CIRBP: variants seen among roughly 807,000 people sequenced by gnomAD.
The protein encoded by CIRBP is cold-inducible RNA-binding protein.
In CIRBP, 11 loss-of-function variants were observed where a neutral mutation model predicts 22.3. That is an observed-to-expected ratio of 0.49 (90% CI 0.31 to 0.82). The LOEUF is 0.82. Ranked by LOEUF, CIRBP falls within the 40% of genes least tolerant of loss-of-function variation. CIRBP has a pLI of 0.05. For synonymous variants in CIRBP, 216 were observed against 158.8 expected (o/e 1.36, Z -2.71); for missense variants, 456 against 402.7 (o/e 1.13, Z -1.13).
rs559749821 is a variant in CIRBP at position 1,274,781 on chromosome 19, C to G, written c.*2338C>G. 6.5e-6 allele frequency: 1 copy of G among 154,420 alleles called. No individual in the cohort carries two copies. The highest frequency in any genetic ancestry group is 2.4e-5 in the African/African-American group (1 of 41,554). The allele number at this position is 154,420 out of a possible 1,614,324, so 9.6% of individuals were successfully genotyped here. A position where few individuals can be genotyped will look rare whatever the true frequency, so the allele number is the denominator to read the frequency against. On this transcript the variant is annotated 3_prime_UTR_variant, in exon 6 of 6. Transcript: ENST00000587896. ...TGTGGAGCCCTGTGAAAGTCGGATT[C>G]GAATAAAGGGCCACGTGTGCACCCA...
chr19:1,270,159 C>T (rs2081313881), intron 1 of CIRBP: 1 of 510,132 alleles, frequency 2.0e-6, no homozygotes, highest in Non-Finnish European at 3.9e-6. Context: ...GATTCCCGGC[C>T]TAGGTCCTGG....
intron 1 of CIRBP, chr19:1,270,058 A>C (rs1370272466): frequency 1.9e-6 from 1 of 519,740 alleles, no homozygotes; most frequent in East Asian, 5.4e-5. Flanking sequence ...CTGTGTCAGC[A>C]CTGACCGCCC....
chr19:1,272,101 TC>T lies in CIRBP; in HGVS notation c.553del (p.Arg185GlyfsTer11), dbSNP rs1473995937. The T allele has an allele frequency of 6.2e-7, 1 of 1,613,742 alleles. No individual in the cohort carries two copies. ...CGCTGCTGTGGCCTGCGGTGGGAGC[TC>T]GGTTCACCTTGGTGCCCTCTCCAAG... is the stretch of plus-strand genomic sequence containing the variant. ...ATLLWPAVGA[R>X]FTLVPSPSTL... On this transcript the variant is annotated frameshift_variant, in exon 6 of 6. Transcript: ENST00000587896. LOFTEE classifies it low-confidence loss of function (END_TRUNC).
At position 1,272,838 on chromosome 19, in the gene CIRBP, G is replaced by A. The variant is rs13369; in HGVS notation, c.*395G>A. The A allele has an allele frequency of 2.7e-4, 44 of 164,310 alleles. No individual in the cohort carries two copies. The highest frequency in any genetic ancestry group is 5.3e-4 in the Non-Finnish European group (40 of 75,920). 10.2% of individuals were successfully genotyped at this position (164,310 alleles called of 1,614,324 possible). On this transcript the variant is annotated 3_prime_UTR_variant, in exon 6 of 6. Coordinates refer to ENST00000587896, the MANE Select transcript of CIRBP (RefSeq NM_001300829.2). The stretch of plus-strand genomic sequence containing the variant: ...GTGCCCCACTCACTTCTCTGAGATC[G>A]AACGGACTGTGAATCCGCTCTTTGT...
downstream of CIRBP, chr19:1,274,854 A>C (rs1006774153): frequency 6.6e-6 from 1 of 152,594 alleles, no homozygotes; most frequent in Non-Finnish European, 1.5e-5. Flanking sequence ...GAGCGGGGCC[A>C]CTGGAAGAAA....
In CIRBP at chr19:1,274,252, G is replaced by A. The variant is rs1180629246; in HGVS notation, c.*1809G>A. ...GGCTGTTTCCGGGGAGGCCGGGAGG[G>A]GCAGCTGTGAGCCCTGTGGAGGACG... On this transcript the variant is annotated 3_prime_UTR_variant, in exon 6 of 6. Coordinates refer to ENST00000587896, the MANE Select transcript of CIRBP (RefSeq NM_001300829.2). 2 of 400,894 alleles carry A rather than the reference G, an allele frequency of 5.0e-6. No homozygotes were observed. The highest frequency in any genetic ancestry group is 8.8e-6 in the Non-Finnish European group (2 of 226,240). The allele number at this position is 400,894 out of a possible 1,614,324, so 24.8% of individuals were successfully genotyped here. A position where few individuals can be genotyped will look rare whatever the true frequency, so the allele number is the denominator to read the frequency against.
In CIRBP at chr19:1,271,236, T is replaced by C. The variant is rs1006299689; in HGVS notation, c.200T>C (p.Met67Thr). The C allele has an allele frequency of 1.2e-6, 2 of 1,613,858 alleles. No homozygotes were observed. Among genetic ancestry groups the C allele is most frequent in the Non-Finnish European group, 8.5e-7 (1 of 1,179,990 alleles). Residue 67 changes from methionine (M) to threonine (T), a missense_variant, in exon 3 of 6, where the codon ATG becomes ACG. Met to Thr is a moderately conservative substitution (Grantham distance 81, BLOSUM62 -1). Transcript: ENST00000587896. ...GACGCTAAGGATGCCATGATGGCCA[T>C]GAATGGGAAGGTGAGGATCAGGGTG... ...IDDAKDAMMA[M>T]NGKSVDGRQI...
At chr19:1,269,442 G>A (rs1168263947) in intron 1 of CIRBP, 32 bp downstream of exon 1, 1 of 151,882 alleles carries the variant, frequency 6.6e-6, no homozygotes, top group Admixed American at 6.6e-5. Context: ...GCTCCGAGGA[G>A]CTCGGGGCGG....
At position 1,271,452 on chromosome 19, in the gene CIRBP, C is replaced by T. The variant is rs775927343; in HGVS notation, c.334C>T (p.Arg112Cys). The T allele has an allele frequency of 1.1e-5, 18 of 1,609,888 alleles. No individual in the cohort carries two copies. The highest frequency in any genetic ancestry group is 1.7e-5 in the Admixed American group (1 of 59,712). ...CTTCCGTGGGGGCCGAGGACGGGGCCGTGGGTTCTCTAGAGGTGAGTGCCA... is the reference window on the plus strand; with the variant it reads ...CTTCCGTGGGGGCCGAGGACGGGGCTGTGGGTTCTCTAGAGGTGAGTGCCA... Reference protein sequence around the residue: ...GFFRGGRGRGRGFSRGGGDRG... With the variant: ...GFFRGGRGRGCGFSRGGGDRG... The change falls in exon 4 of 6, where the codon CGT becomes TGT. Residue 112 changes from arginine (R) to cysteine (C), a missense_variant. This residue lies in a region of CIRBP where 426 missense variants were observed against 339.6 expected (regional missense o/e 1.25). Transcript: ENST00000587896.
At position 1,272,374 on chromosome 19, in the gene CIRBP, G is replaced by A. The variant is rs1172002695; in HGVS notation, c.825G>A (p.Lys275=). ...RPRPGLASGV[K]LPLVASVPLH... ...GCCCTGGTCTGGCCTCTGGGGTGAA[G>A]CTGCCTCTTGTTGCTTCGGTGCCTT... Residue 275 remains lysine, a synonymous_variant, in exon 6 of 6, where the codon AAG becomes AAA. Transcript: ENST00000587896. 1.9e-6 allele frequency: 3 copies of A among 1,604,520 alleles called. No homozygotes were observed. Among genetic ancestry groups the A allele is most frequent in the East Asian group, 4.5e-5 (2 of 44,790 alleles).
Position 1,274,070 on chromosome 19 carries a change from T to C in CIRBP, c.*1627T>C. The C allele has an allele frequency of 2.7e-6, 1 of 375,536 alleles. No homozygotes were observed. Among genetic ancestry groups the C allele is most frequent in the East Asian group, 3.8e-5 (1 of 26,492 alleles). 23.3% of individuals were successfully genotyped at this position (375,536 alleles called of 1,614,324 possible). A position where few individuals can be genotyped will look rare whatever the true frequency, so the allele number is the denominator to read the frequency against. ...CTCTGATGTCTGTTGCCGCCATTAG[T>C]TTTTTTCTAGAGCCCACACTGGCCC... On this transcript the variant is annotated 3_prime_UTR_variant, in exon 6 of 6. Coordinates refer to ENST00000587896, the MANE Select transcript of CIRBP (RefSeq NM_001300829.2).
At position 1,269,401 on chromosome 19, in the gene CIRBP, C is replaced by G. The variant is rs995517953; in HGVS notation, c.-16C>G. ...TTCCCGCTTGCGTCAGGGACCTGCC[C>G]GACTCAGTGGTGAGGGCCCTGGCTG... On this transcript the variant is annotated 5_prime_UTR_variant, in exon 1 of 6. Transcript: ENST00000587896. 3 of 151,946 alleles carry G rather than the reference C, an allele frequency of 2.0e-5. No individual in the cohort carries two copies. Among genetic ancestry groups the G allele is most frequent in the Non-Finnish European group, 4.4e-5 (3 of 67,970 alleles). 9.4% of individuals were successfully genotyped at this position (151,946 alleles called of 1,614,324 possible).
chr19:1,271,897 C>T, intron 5 of CIRBP, 84 bp from the exon 6 acceptor site: 5 of 1,235,800 alleles, frequency 4.0e-6, no homozygotes, highest in Non-Finnish European at 4.6e-6. Flanking sequence ...GGACGGCTGG[C>T]ATGGGGGCTG....
intron 1 of CIRBP, 150 bp from the exon 2 acceptor site, chr19:1,270,778 G>A (rs2081326013): frequency 4.4e-6 from 3 of 678,592 alleles, no homozygotes; most frequent in Admixed American, 2.4e-5. Context: ...AAAAAAATAA[G>A]TCCTAGGTAT....
chr19:1,272,464 C>G lies in CIRBP; in HGVS notation c.*21C>G. ...AGTAAAAACCCTTCCTGCTCAAGATCGTCCTTCCAATGGCTGTGTGTTTAA... is the reference window on the plus strand; with the variant it reads ...AGTAAAAACCCTTCCTGCTCAAGATGGTCCTTCCAATGGCTGTGTGTTTAA... On this transcript the variant is annotated 3_prime_UTR_variant, in exon 6 of 6. Transcript: ENST00000587896. The G allele has an allele frequency of 6.6e-7, 1 of 1,511,022 alleles. No homozygotes were observed. Among genetic ancestry groups the G allele is most frequent in the Non-Finnish European group, 8.9e-7 (1 of 1,125,432 alleles). 93.6% of individuals were successfully genotyped at this position (1,511,022 alleles called of 1,614,324 possible). A position where few individuals can be genotyped will look rare whatever the true frequency, so the allele number is the denominator to read the frequency against.
At chr19:1,270,851 C>A in intron 1 of CIRBP, 77 bp from the exon 2 acceptor site, 1 of 913,836 alleles carries the variant, frequency 1.1e-6, no homozygotes, top group South Asian at 1.4e-5. Context: ...AAACACATGT[C>A]ATTTACATAA....
In CIRBP at chr19:1,272,387, G is replaced by A; in HGVS notation, c.838G>A (p.Ala280Thr). Residue 280 changes from alanine to threonine, a missense_variant, in exon 6 of 6, where the codon GCT becomes ACT. By Grantham distance (58) the Ala-to-Thr change is moderately conservative (BLOSUM62 0). This residue lies in a region of CIRBP where 426 missense variants were observed against 339.6 expected (regional missense o/e 1.25). Coordinates refer to ENST00000587896, the MANE Select transcript of CIRBP (RefSeq NM_001300829.2). ...LASGVKLPLV[A>T]SVPLHCACFL... Reference sequence around the variant, plus strand: ...CTCTGGGGTGAAGCTGCCTCTTGTTGCTTCGGTGCCTTTACACTGTGCCTG... The same window carrying A: ...CTCTGGGGTGAAGCTGCCTCTTGTTACTTCGGTGCCTTTACACTGTGCCTG... 4 of 1,600,296 alleles carry A rather than the reference G, an allele frequency of 2.5e-6. No individual in the cohort carries two copies. Among genetic ancestry groups the A allele is most frequent in the Non-Finnish European group, 3.4e-6 (4 of 1,174,008 alleles).
Position 1,272,326 on chromosome 19 carries a change from GT to G in CIRBP, c.779del (p.Leu260CysfsTer15), listed in dbSNP as rs745710572. On this transcript the variant is annotated frameshift_variant, in exon 6 of 6. Coordinates refer to ENST00000587896, the MANE Select transcript of CIRBP (RefSeq NM_001300829.2). LOFTEE classifies it low-confidence loss of function (END_TRUNC). ...RPASLGCGGW[L>X]LPGRRPRPGL... ...CAGCCTCCCTCGGCTGTGGGGGGTGGTTGCTCCCCGGCCGCAGGCCGCGCCC... is the reference window on the plus strand; with the variant it reads ...CAGCCTCCCTCGGCTGTGGGGGGTGGTGCTCCCCGGCCGCAGGCCGCGCCC... The G allele has an allele frequency of 1.4e-4, 224 of 1,613,690 alleles. 1 individual carries two copies. In the African/African-American group the frequency reaches 2.5e-3, roughly 18 times the overall value.
rs900127638 is a variant in CIRBP at position 1,273,359 on chromosome 19, G to C, written c.*916G>C. On this transcript the variant is annotated 3_prime_UTR_variant, in exon 6 of 6. Coordinates refer to ENST00000587896, the MANE Select transcript of CIRBP (RefSeq NM_001300829.2). ...AGGGTAGGGGAGCCAGGCGGGGGACGGGAGCGGGCAGCTCAGGCCTCAGGG... is the reference window on the plus strand; with the variant it reads ...AGGGTAGGGGAGCCAGGCGGGGGACCGGAGCGGGCAGCTCAGGCCTCAGGG... The C allele has an allele frequency of 6.5e-6, 1 of 152,686 alleles. No individual in the cohort carries two copies. The highest frequency in any genetic ancestry group is 2.4e-5 in the African/African-American group (1 of 41,466). The allele number at this position is 152,686 out of a possible 1,614,324, so 9.5% of individuals were successfully genotyped here.
Sources: allele counts gnomAD v4.1 joint callset, GRCh38; gene constraint gnomAD v4.1.1; regional missense constraint gnomAD v4.1.1; transcripts MANE v1.5; gene names NCBI Gene and HGNC (gene_info 2026-07-23, HGNC 2026-07-21).